Variants in KLHL25 observed in about 807,000 individuals in gnomAD.
KLHL25 encodes the protein kelch-like protein 25.
KLHL25 carries 41 observed loss-of-function variants against 30.0 expected under a neutral mutation model. The ratio of observed to expected loss-of-function variants is 1.37; its 90% CI spans 1.07 to 1.78. The LOEUF is 1.78. KLHL25 is among the 40% of genes most tolerant of loss of function. The pLI is 0.00. For missense variants in KLHL25, 971 were observed against 824.5 expected, an observed-to-expected ratio of 1.18 and a Z score of -2.18; for synonymous variants, 399 against 355.3, an observed-to-expected ratio of 1.12 and a Z score of -1.38.
chr15:85,769,871 C>T, intron 1 of KLHL25, 51 bp from the exon 2 acceptor site: 1 of 1,443,084 alleles, frequency 6.9e-7, no homozygotes, highest in South Asian at 1.3e-5. Context: ...TGCCCATCTG[C>T]CCTCTCAGGG....
At chr15:85,776,953 T>C (rs982993178) in intron 1 of KLHL25, among the ~76,000 whole-genome samples, 1 of 151,644 alleles carries the variant, frequency 6.6e-6, no homozygotes, top group East Asian at 1.9e-4. Flanking sequence ...AATAAATAAA[T>C]AACAGATCTG....
chr15:85,773,518 G>A (rs1325312940), intron 1 of KLHL25, among the ~76,000 whole-genome samples: 3 of 152,234 alleles, frequency 2.0e-5, no homozygotes, highest in Non-Finnish European at 4.4e-5. Flanking sequence ...CTCAGCGGGT[G>A]GCATCCCGGG....
intron 1 of KLHL25, among the ~76,000 whole-genome samples, chr15:85,778,562 A>AACTGGGCAGGGAGG (rs2089724897): frequency 6.6e-6 from 1 of 152,136 alleles, no homozygotes; most frequent in Non-Finnish European, 1.5e-5. Flanking sequence ...GTGTTAGGCA[A>AACTGGGCAGGGAGG]TTTGCCCAAA....
At position 85,768,046 on chromosome 15, in the gene KLHL25, C is replaced by T. The variant is rs776179800; in HGVS notation, c.1765G>A (p.Ala589Thr). ...AFVSTWKHLPA is the reference protein window; with the variant it reads ...AFVSTWKHLPT Reference sequence around the variant, plus strand: ...CTGGGCTCAGCAGGTGCTCCTCACGCGGGCAGGTGCTTCCAGGTGCTGACA... The same window carrying T: ...CTGGGCTCAGCAGGTGCTCCTCACGTGGGCAGGTGCTTCCAGGTGCTGACA... Residue 589 changes from alanine (A) to threonine (T), a missense_variant, in exon 2 of 3, where the codon GCG becomes ACG. Physicochemically the swap from Ala to Thr is moderately conservative, Grantham distance 58. Transcript: ENST00000337975. 120 of 1,609,032 alleles carry T rather than the reference C, an allele frequency of 7.5e-5. No homozygotes were observed. Among genetic ancestry groups the T allele is most frequent in the Admixed American group, 1.7e-4 (10 of 59,834 alleles).
At chr15:85,793,967 C>A (rs565600525) in intron 1 of KLHL25, among the ~76,000 whole-genome samples, 2 of 152,292 alleles carry the variant, frequency 1.3e-5, no homozygotes, top group Admixed American at 1.3e-4. Context: ...GGGCTTAGAG[C>A]AGCAACACAA....
chr15:85,779,886 A>G (rs1159087545), intron 1 of KLHL25, among the ~76,000 whole-genome samples: 1 of 152,256 alleles, frequency 6.6e-6, no homozygotes, highest in Admixed American at 6.5e-5. Flanking sequence ...TATGCAAGGA[A>G]AAACTAATGC....
rs1017750165 is a variant in KLHL25, at chr15:85,785,541, T to C, written c.-11+9225A>G. On this transcript the variant is annotated intron_variant, in intron 1 of 2. Transcript: ENST00000337975. Reference sequence around the variant, plus strand: ...CTGCCCTGGCAGCCAGGTACAATTATCTGAGCAAAACCCAGCAAAGTCCTT... The same window carrying C: ...CTGCCCTGGCAGCCAGGTACAATTACCTGAGCAAAACCCAGCAAAGTCCTT... Among the ~76,000 whole-genome samples, 125 of 151,656 alleles carry C rather than the reference T, an allele frequency of 8.2e-4. 8 individuals carry two copies. Among genetic ancestry groups the C allele is most frequent in the Non-Finnish European group, 4.4e-5 (3 of 67,998 alleles).
At chr15:85,788,056 C>CAAAAAAAAA (rs60547525) in intron 1 of KLHL25, among the ~76,000 whole-genome samples, 4 of 58,294 alleles carry the variant, frequency 6.9e-5, no homozygotes, top group Non-Finnish European at 9.2e-5. Context: ...AACTAGATCT[C>CAAAAAAAAA]AAAAAAAAAA....
intron 1 of KLHL25, among the ~76,000 whole-genome samples, chr15:85,793,321 T>G (rs1018305610): frequency 5.3e-5 from 8 of 152,224 alleles, no homozygotes; most frequent in Admixed American, 3.3e-4. Flanking sequence ...CTACCTCCCT[T>G]TTATCAACCA....
intron 1 of KLHL25, among the ~76,000 whole-genome samples, chr15:85,773,699 T>C (rs188446161): frequency 5.3e-5 from 8 of 152,258 alleles, no homozygotes; most frequent in Admixed American, 4.6e-4. Flanking sequence ...CACTGGAACT[T>C]TGAGGAACGA....
chr15:85,780,764 G>C (rs1282225410), intron 1 of KLHL25, among the ~76,000 whole-genome samples: 1 of 152,196 alleles, frequency 6.6e-6, no homozygotes, highest in East Asian at 1.9e-4. Flanking sequence ...CGCTGACAGA[G>C]ATGAGAGCAA....
intron 1 of KLHL25, among the ~76,000 whole-genome samples, chr15:85,790,647 G>A (rs2089810440): frequency 6.6e-6 from 1 of 152,150 alleles, no homozygotes. Flanking sequence ...TCTGACTCAA[G>A]TGCTCTTTCT....
At chr15:85,772,100 C>T (rs2089679354) in intron 1 of KLHL25, among the ~76,000 whole-genome samples, 1 of 152,184 alleles carries the variant, frequency 6.6e-6, no homozygotes, top group Admixed American at 6.5e-5. Context: ...GACAATTTCC[C>T]AAATGTGGCT....
intron 1 of KLHL25, 141 bp from the exon 2 acceptor site, chr15:85,769,961 A>G: frequency 1.4e-6 from 1 of 699,998 alleles, no homozygotes; most frequent in South Asian, 1.9e-5. Context: ...CCTCTCCCGC[A>G]ACCACGTTGC....
intron 1 of KLHL25, among the ~76,000 whole-genome samples, chr15:85,779,692 G>T (rs1047591135): frequency 3.9e-5 from 6 of 152,254 alleles, no homozygotes; most frequent in Non-Finnish European, 5.9e-5. Context: ...TTCCTATTCT[G>T]CCCTCACTAC....
Position 85,761,903 on chromosome 15 carries a change from C to A in KLHL25, c.*25-892G>T, listed in dbSNP as rs535344127. 3 of 152,344 alleles carry A rather than the reference C, an allele frequency of 2.0e-5. No individual in the cohort carries two copies. The South Asian group carries it at 6.2e-4, about 32-fold the overall frequency. 9.4% of individuals were successfully genotyped at this position (152,344 alleles called of 1,614,324 possible). A position where few individuals can be genotyped will look rare whatever the true frequency, so the allele number is the denominator to read the frequency against. ...TGTGTAAGAACAAGAACATAAGGGG[C>A]TTTCTAGTTGTATGCTTGTGTGTAT... On this transcript the variant is annotated intron_variant, in intron 2 of 2. Coordinates refer to ENST00000337975, the MANE Select transcript of KLHL25 (RefSeq NM_022480.4).
At chr15:85,773,700 T>G (rs957297969) in intron 1 of KLHL25, among the ~76,000 whole-genome samples, 1 of 152,182 alleles carries the variant, frequency 6.6e-6, no homozygotes, top group African/African-American at 2.4e-5. Flanking sequence ...ACTGGAACTT[T>G]GAGGAACGAA....
intron 1 of KLHL25, among the ~76,000 whole-genome samples, chr15:85,772,877 C>G (rs2089686443): frequency 6.6e-6 from 1 of 152,264 alleles, no homozygotes; most frequent in Non-Finnish European, 1.5e-5. Context: ...CACGCCCAGG[C>G]AGGTTCCCAC....
Position 85,769,290 on chromosome 15 carries a change from ACCAGGCACATGCG to A in KLHL25, c.508_520del (p.Arg170CysfsTer6), listed in dbSNP as rs767814513. ...GCTCTGCCTCACCGTCTCAAAGTGC[ACCAGGCACATGCG>A]CCAGGAGAACTCATACAGCCGGCGG... On this transcript the variant is annotated frameshift_variant, in exon 2 of 3. Transcript: ENST00000337975. LOFTEE classifies it high-confidence loss of function. 31 of 1,613,986 alleles carry A rather than the reference ACCAGGCACATGCG, an allele frequency of 1.9e-5. No individual in the cohort carries two copies. Among genetic ancestry groups the A allele is most frequent in the Non-Finnish European group, 2.6e-5 (31 of 1,180,024 alleles).
Sources: allele counts gnomAD v4.1 joint callset (sites outside exome capture counted in the v4.1 genomes callset), GRCh38; gene constraint gnomAD v4.1.1; transcripts MANE v1.5; gene names NCBI Gene and HGNC (gene_info 2026-07-23, HGNC 2026-07-21).